ZBTB8A: variants seen among roughly 807,000 people sequenced by gnomAD.
The protein encoded by ZBTB8A is zinc finger and BTB domain-containing protein 8A.
Under a neutral mutation model 37.8 loss-of-function variants are expected in ZBTB8A, and 19 were observed. That is an observed-to-expected ratio of 0.50 (90% CI 0.35 to 0.74). The LOEUF (loss-of-function observed/expected upper bound fraction) is 0.74. Ranked by LOEUF, ZBTB8A falls within the 30% of genes least tolerant of loss-of-function variation. ZBTB8A has a pLI of 0.01. For synonymous variants in ZBTB8A, 181 were observed against 185.2 expected, an observed-to-expected ratio of 0.98 and a Z score of 0.19; for missense variants, 394 against 537.8, an observed-to-expected ratio of 0.73 and a Z score of 2.65.
intron 1 of ZBTB8A, among the ~76,000 whole-genome samples, chr1:32,553,011 A>G (rs1003912463): frequency 6.6e-6 from 1 of 150,812 alleles, no homozygotes; most frequent in Non-Finnish European, 1.5e-5. Context: ...AATTTGTGCC[A>G]GATCATCTAT....
At position 32,573,738 on chromosome 1, in the gene ZBTB8A, CTTTTTT is replaced by C. The variant is rs753573244; in HGVS notation, c.-1-19175_-1-19170del. Among the ~76,000 whole-genome samples, 188 of 95,018 alleles carry C rather than the reference CTTTTTT, an allele frequency of 2.0e-3. 1 individual carries two copies. Among genetic ancestry groups the C allele is most frequent in the Admixed American group, 6.4e-3 (52 of 8,186 alleles). 62.3% of individuals were successfully genotyped at this position (95,018 alleles called of 152,430 possible). A position where few individuals can be genotyped will look rare whatever the true frequency, so the allele number is the denominator to read the frequency against. On this transcript the variant is annotated intron_variant, in intron 2 of 4. Transcript: ENST00000373510. Reference sequence around the variant, plus strand: ...CAAAAGCCACCACACCCAGCTAAAACTTTTTTTTTTTTTTTTTTTTTTTAATATAAG... The same window carrying C: ...CAAAAGCCACCACACCCAGCTAAAACTTTTTTTTTTTTTTTTTAATATAAG...
rs181884497 is a variant in ZBTB8A at position 32,574,774 on chromosome 1, T to G, written c.-1-18157T>G. Among the ~76,000 whole-genome samples the G allele has an allele frequency of 1.7e-3, 256 of 152,110 alleles. 1 individual carries two copies. The highest frequency in any genetic ancestry group is 6.0e-3 in the African/African-American group (250 of 41,468). Reference sequence around the variant, plus strand: ...GTTGGTTGATAGTATTGCTCAAGTGTTTTATTTATTTTATTATTTTGAGAC... The same window carrying G: ...GTTGGTTGATAGTATTGCTCAAGTGGTTTATTTATTTTATTATTTTGAGAC... On this transcript the variant is annotated intron_variant, in intron 2 of 4. Coordinates refer to ENST00000373510, the MANE Select transcript of ZBTB8A (RefSeq NM_001040441.3).
intron 4 of ZBTB8A, among the ~76,000 whole-genome samples, chr1:32,599,185 A>T (rs1279207801): frequency 6.6e-6 from 1 of 151,992 alleles, no homozygotes; most frequent in African/African-American, 2.4e-5. Context: ...AAAACAAGAG[A>T]GATTGCACCC....
At chr1:32,543,230 C>T (rs1186436423) in intron 1 of ZBTB8A, among the ~76,000 whole-genome samples, 1 of 152,020 alleles carries the variant, frequency 6.6e-6, no homozygotes, top group Non-Finnish European at 1.5e-5. Flanking sequence ...ATTACAGGCA[C>T]CTGCCACCAT....
chr1:32,574,057 C>G (rs1257512272), intron 2 of ZBTB8A, among the ~76,000 whole-genome samples: 2 of 151,768 alleles, frequency 1.3e-5, no homozygotes, highest in South Asian at 2.1e-4. Flanking sequence ...GCCTGGGCAA[C>G]AAGAGCGAAA....
chr1:32,557,754 G>A (rs965270714), intron 2 of ZBTB8A, among the ~76,000 whole-genome samples: 13 of 152,086 alleles, frequency 8.5e-5, no homozygotes, highest in Non-Finnish European at 1.6e-4. Context: ...GTAAGCCACC[G>A]CGCCTGGTCC....
intron 2 of ZBTB8A, among the ~76,000 whole-genome samples, chr1:32,577,120 C>T (rs1352306817): frequency 4.0e-5 from 6 of 151,038 alleles, no homozygotes; most frequent in South Asian, 2.1e-4. Flanking sequence ...GTGATCTGCC[C>T]GCCTTGGCCT....
chr1:32,555,462 C>G (rs533041473), intron 2 of ZBTB8A, among the ~76,000 whole-genome samples: 5 of 152,270 alleles, frequency 3.3e-5, no homozygotes, highest in African/African-American at 1.2e-4. Context: ...CAGGTAGCTG[C>G]TTTATTACTG....
intron 2 of ZBTB8A, among the ~76,000 whole-genome samples, chr1:32,589,252 T>C (rs1644470632): frequency 6.6e-6 from 1 of 151,888 alleles, no homozygotes; most frequent in African/African-American, 2.4e-5. Flanking sequence ...TGTTGGCACA[T>C]GTGTTTGTTT....
At chr1:32,571,528 C>T (rs932532820) in intron 2 of ZBTB8A, among the ~76,000 whole-genome samples, 2 of 151,856 alleles carry the variant, frequency 1.3e-5, no homozygotes, top group African/African-American at 4.8e-5. Context: ...TGTATTCCAG[C>T]GATAAACCTC....
At chr1:32,565,516 G>C (rs369304144) in intron 2 of ZBTB8A, among the ~76,000 whole-genome samples, 1 of 151,836 alleles carries the variant, frequency 6.6e-6, no homozygotes, top group African/African-American at 2.4e-5. Context: ...TTAGCTGGGC[G>C]TGGTGGCATG....
chr1:32,560,511 G>GT (rs1323648763), intron 2 of ZBTB8A, among the ~76,000 whole-genome samples: 1 of 148,260 alleles, frequency 6.7e-6, no homozygotes, highest in South Asian at 2.1e-4. Context: ...CAGTTTCAGC[G>GT]TTTTTTGTTG....
At chr1:32,558,604 C>G (rs914163902) in intron 2 of ZBTB8A, among the ~76,000 whole-genome samples, 6 of 152,048 alleles carry the variant, frequency 3.9e-5, no homozygotes, top group Admixed American at 3.9e-4. Flanking sequence ...TTGTTAGTCT[C>G]CAAGTCTGAA....
intron 2 of ZBTB8A, among the ~76,000 whole-genome samples, chr1:32,571,425 ATGTT>A (rs1644321859): frequency 6.6e-6 from 1 of 151,778 alleles, no homozygotes; most frequent in Admixed American, 6.6e-5. Context: ...GATTTTTCAA[ATGTT>A]TGTTCTGTGT....
intron 2 of ZBTB8A, among the ~76,000 whole-genome samples, chr1:32,554,399 G>A (rs1016323978): frequency 1.3e-5 from 2 of 151,378 alleles, no homozygotes; most frequent in Non-Finnish European, 2.9e-5. Flanking sequence ...GTATCCTTAT[G>A]AATGTGGGCC....
At chr1:32,567,613 T>C (rs1211582917) in intron 2 of ZBTB8A, among the ~76,000 whole-genome samples, 2 of 148,154 alleles carry the variant, frequency 1.3e-5, no homozygotes, top group African/African-American at 5.0e-5. Flanking sequence ...GCTAACACGG[T>C]GAAACCCGGT....
At chr1:32,571,872 C>T (rs543444316) in intron 2 of ZBTB8A, among the ~76,000 whole-genome samples, 7 of 152,116 alleles carry the variant, frequency 4.6e-5, no homozygotes, top group South Asian at 2.1e-4. Context: ...CCACTGCGCC[C>T]GGCCACAAAT....
intron 2 of ZBTB8A, among the ~76,000 whole-genome samples, chr1:32,563,889 A>G (rs1644261720): frequency 6.6e-6 from 1 of 152,164 alleles, no homozygotes; most frequent in South Asian, 2.1e-4. Context: ...CTTAGGTGGA[A>G]TGGCCTCTGA....
intron 2 of ZBTB8A, among the ~76,000 whole-genome samples, chr1:32,573,082 T>A (rs1238625919): frequency 2.7e-5 from 4 of 148,198 alleles, no homozygotes; most frequent in Non-Finnish European, 4.5e-5. Flanking sequence ...TTTTTTTTTT[T>A]TTTTTTGAGA....
Sources: allele counts gnomAD v4.1 joint callset (sites outside exome capture counted in the v4.1 genomes callset), GRCh38; gene constraint gnomAD v4.1.1; transcripts MANE v1.5; gene names NCBI Gene and HGNC (gene_info 2026-07-23, HGNC 2026-07-21).